The following ZSWIM5 variants were observed in gnomAD, a reference collection of about 807,000 sequenced individuals.
ZSWIM5 encodes zinc finger SWIM domain-containing protein 5.
Under a neutral mutation model 119.6 loss-of-function variants are expected in ZSWIM5, and 55 were observed. The observed-to-expected ratio is 0.46, with a 90% CI of 0.37 to 0.58. The LOEUF is 0.58. ZSWIM5 is among the 20% of genes least tolerant of loss of function. ZSWIM5 has a pLI of 0.00. For missense variants in ZSWIM5, 1,193 were observed against 1,512.8 expected (o/e 0.79, Z 3.51); for synonymous variants, 537 against 606.9 (o/e 0.88, Z 1.69).
intron 11 of ZSWIM5, among the ~76,000 whole-genome samples, chr1:45,032,011 C>A (rs1644956320): frequency 6.6e-6 from 1 of 152,018 alleles, no homozygotes; most frequent in South Asian, 2.1e-4. Context: ...TTTTTCTTTG[C>A]TCCATGAGTA....
At chr1:45,030,408 G>A (rs530711151) in intron 11 of ZSWIM5, among the ~76,000 whole-genome samples, 30 of 151,718 alleles carry the variant, frequency 2.0e-4, no homozygotes, top group African/African-American at 6.3e-4. Flanking sequence ...CACCATGCCC[G>A]GCTAATTTTT....
intron 1 of ZSWIM5, among the ~76,000 whole-genome samples, chr1:45,136,155 C>T (rs1470563886): frequency 2.0e-5 from 3 of 151,996 alleles, no homozygotes; most frequent in African/African-American, 7.3e-5. Context: ...GCCACTGTGC[C>T]CAGCCTCAAT....
intron 1 of ZSWIM5, among the ~76,000 whole-genome samples, chr1:45,126,396 G>C (rs1374203293): frequency 6.6e-6 from 1 of 152,044 alleles, no homozygotes; most frequent in African/African-American, 2.4e-5. Context: ...TAAATACTAT[G>C]AACAACTCTA....
At chr1:45,049,669 C>T (rs1481591104) in intron 5 of ZSWIM5, among the ~76,000 whole-genome samples, 1 of 152,088 alleles carries the variant, frequency 6.6e-6, no homozygotes, top group Admixed American at 6.5e-5. Context: ...CAAAAATTAG[C>T]CAGGTGTGGT....
chr1:45,099,854 A>G (rs1645427471), intron 1 of ZSWIM5, among the ~76,000 whole-genome samples: 1 of 151,954 alleles, frequency 6.6e-6, no homozygotes, highest in Non-Finnish European at 1.5e-5. Flanking sequence ...AACAGCCTTC[A>G]TGCTAAAAAC....
At chr1:45,150,376 C>T (rs1645789461) in intron 1 of ZSWIM5, among the ~76,000 whole-genome samples, 1 of 151,976 alleles carries the variant, frequency 6.6e-6, no homozygotes, top group African/African-American at 2.4e-5. Context: ...AACAGGAACC[C>T]TTGTAACATT....
chr1:45,038,800 T>C (rs1192879807), intron 8 of ZSWIM5, 136 bp downstream of exon 8: 1 of 1,016,062 alleles, frequency 9.8e-7, no homozygotes, highest in Admixed American at 2.8e-5. Context: ...TTTGCCATGT[T>C]GCCCAGGCTG....
chr1:45,046,099 G>C (rs1267350262), intron 5 of ZSWIM5, among the ~76,000 whole-genome samples: 1 of 152,066 alleles, frequency 6.6e-6, no homozygotes, highest in East Asian at 1.9e-4. Context: ...TAGAGAACTA[G>C]ATCATGGAGG....
Position 45,036,843 on chromosome 1 carries a change from G to A in ZSWIM5, c.1895-544C>T, listed in dbSNP as rs796925704. Among the ~76,000 whole-genome samples the A allele has an allele frequency of 1.5e-4, 23 of 152,184 alleles. 1 individual carries two copies. The highest frequency in any genetic ancestry group is 4.6e-4 in the African/African-American group (19 of 41,528). ...CAGAGTCTTGCTTGGTTGCTAAGGCGGGAGTGTAGTGGTGCAATCATGGGT... is the reference window on the plus strand; with the variant it reads ...CAGAGTCTTGCTTGGTTGCTAAGGCAGGAGTGTAGTGGTGCAATCATGGGT... On this transcript the variant is annotated intron_variant, in intron 8 of 13. Coordinates refer to ENST00000359600, the MANE Select transcript of ZSWIM5 (RefSeq NM_020883.2).
chr1:45,060,409 A>G (rs1645145867), intron 2 of ZSWIM5, among the ~76,000 whole-genome samples, 162 bp from the exon 3 acceptor site: 1 of 152,126 alleles, frequency 6.6e-6, no homozygotes, highest in Non-Finnish European at 1.5e-5. Flanking sequence ...AAATACATAA[A>G]ATTAATTTTT....
At chr1:45,124,864 C>T (rs773888460) in intron 1 of ZSWIM5, among the ~76,000 whole-genome samples, 14 of 151,786 alleles carry the variant, frequency 9.2e-5, no homozygotes, top group Non-Finnish European at 1.6e-4. Context: ...AGGGACATTA[C>T]ATAATGATAG....
intron 1 of ZSWIM5, among the ~76,000 whole-genome samples, chr1:45,093,746 T>C (rs935682759): frequency 2.4e-4 from 37 of 152,130 alleles, no homozygotes; most frequent in African/African-American, 7.5e-4. Context: ...TAAAGCCAAG[T>C]AGACTAGGTT....
chr1:45,161,269 C>T (rs1011493548), intron 1 of ZSWIM5, among the ~76,000 whole-genome samples: 2 of 152,058 alleles, frequency 1.3e-5, no homozygotes, highest in Non-Finnish European at 2.9e-5. Context: ...TGGATAAACA[C>T]CTAGTAGTGA....
At chr1:45,039,154 T>C in intron 7 of ZSWIM5, 81 bp from the exon 8 acceptor site, 2 of 1,520,810 alleles carry the variant, frequency 1.3e-6, no homozygotes, top group Non-Finnish European at 9.0e-7. Flanking sequence ...CTTATCAGTC[T>C]CTCCAGCCTT....
rs111732109 is a variant in ZSWIM5 at position 45,199,338 on chromosome 1, G to A, written c.595+6418C>T. ...TTTTGAGACGGAGTCTCACTCTGTCGCCCAGGCTGGAGTGCAGTGGCACGA... is the reference window on the plus strand; with the variant it reads ...TTTTGAGACGGAGTCTCACTCTGTCACCCAGGCTGGAGTGCAGTGGCACGA... On this transcript the variant is annotated intron_variant, in intron 1 of 13. Coordinates refer to ENST00000359600, the MANE Select transcript of ZSWIM5 (RefSeq NM_020883.2). Among the ~76,000 whole-genome samples the A allele has an allele frequency of 3.3e-3, 485 of 144,928 alleles. 2 individuals carry two copies. Among genetic ancestry groups the A allele is most frequent in the African/African-American group, 0.011 (433 of 38,934 alleles).
chr1:45,054,325 A>T (rs552476604), intron 4 of ZSWIM5, among the ~76,000 whole-genome samples: 11 of 151,892 alleles, frequency 7.2e-5, no homozygotes, highest in African/African-American at 2.4e-4. Context: ...GCTCATGTCT[A>T]TGGTCCCAGC....
intron 1 of ZSWIM5, among the ~76,000 whole-genome samples, chr1:45,179,142 G>A (rs75285948): frequency 2.0e-5 from 3 of 152,082 alleles, no homozygotes; most frequent in East Asian, 1.9e-4. Flanking sequence ...AGACACATAC[G>A]TGTACCTGTA....
At chr1:45,097,944 A>C (rs1377002586) in intron 1 of ZSWIM5, among the ~76,000 whole-genome samples, 1 of 152,192 alleles carries the variant, frequency 6.6e-6, no homozygotes, top group Non-Finnish European at 1.5e-5. Flanking sequence ...GGGGGACCTG[A>C]ACTGATTCAG....
chr1:45,021,768 C>T (rs1008085262), intron 11 of ZSWIM5, among the ~76,000 whole-genome samples: 29 of 152,096 alleles, frequency 1.9e-4, no homozygotes, highest in Admixed American at 7.9e-4. Flanking sequence ...GCCTGTAATC[C>T]CAGCACTTTG....
Sources: gnomAD v4.1 joint callset for allele counts (sites outside exome capture counted in the v4.1 genomes callset) on GRCh38, gnomAD v4.1.1 for gene constraint, MANE v1.5 for transcripts, NCBI Gene and HGNC (gene_info 2026-07-23, HGNC 2026-07-21) for gene names.